The following SLC2A9 variants were observed in gnomAD, a reference collection of about 807,000 sequenced individuals.
The protein encoded by SLC2A9 is solute carrier family 2, facilitated glucose transporter member 9.
A neutral mutation model predicts 50.6 loss-of-function variants in SLC2A9; 39 were observed. That is an observed-to-expected ratio of 0.77 (90% CI 0.60 to 1.01). SLC2A9 has a LOEUF of 1.01. Ranked by LOEUF, SLC2A9 falls within the 50% of genes least tolerant of loss-of-function variation. The probability of loss-of-function intolerance (pLI) is 0.00; values close to 1 mark genes in which losing one functional copy is unlikely to be tolerated. For synonymous variants in SLC2A9, 324 were observed against 276.9 expected (o/e 1.17, Z -1.69); for missense variants, 686 against 677.6 (o/e 1.01, Z -0.14).
intron 10 of SLC2A9, among the ~76,000 whole-genome samples, chr4:9,876,399 G>C (rs1734325735): frequency 6.6e-6 from 1 of 152,064 alleles, no homozygotes; most frequent in Non-Finnish European, 1.5e-5. Flanking sequence ...TCCAGACCAG[G>C]TTGGGAAACA....
At chr4:10,030,799 CCTCTTATGT>C (rs1450705446) in intron 1 of SLC2A9, among the ~76,000 whole-genome samples, 1 of 152,112 alleles carries the variant, frequency 6.6e-6, no homozygotes, top group African/African-American at 2.4e-5. Flanking sequence ...TTATCGAGCC[CCTCTTATGT>C]AGTAGACCCC....
chr4:9,781,787 C>A, intron 3 of SLC2A9: 1 of 421,992 alleles, frequency 2.4e-6, no homozygotes. Context: ...GCACCAGCCG[C>A]TTCCTGTCCC....
At chr4:9,923,660 G>C (rs1276102326) in intron 6 of SLC2A9, 1 of 152,460 alleles carries the variant, frequency 6.6e-6, no homozygotes, top group Non-Finnish European at 1.5e-5. Context: ...GCTGAGCGTG[G>C]GAGCAGCTGG....
intron 5 of SLC2A9, among the ~76,000 whole-genome samples, chr4:9,959,895 G>A (rs1214270874): frequency 6.6e-6 from 1 of 152,166 alleles, no homozygotes. Context: ...GAGGGGCTGA[G>A]TCACATTCAG....
chr4:10,036,728 C>G (rs1321372155), intron 1 of SLC2A9, among the ~76,000 whole-genome samples: 1 of 152,236 alleles, frequency 6.6e-6, no homozygotes, highest in African/African-American at 2.4e-5. Context: ...AATCATTCCT[C>G]CATCATCCAG....
chr4:9,841,681 G>A (rs1728105256), intron 10 of SLC2A9, among the ~76,000 whole-genome samples: 2 of 152,108 alleles, frequency 1.3e-5, no homozygotes, highest in Non-Finnish European at 2.9e-5. Context: ...CCTTTATGGA[G>A]GATCTGGGTT....
At chr4:9,887,673 G>GAGGTGATGGTGTGACCGGAGGACC in intron 9 of SLC2A9, 31 bp from the exon 10 acceptor site, 1 of 1,465,260 alleles carries the variant, frequency 6.8e-7, no homozygotes, top group Non-Finnish European at 9.1e-7. Context: ...GTCAGGTGAG[G>GAGGTGATGGTGTGACCGGAGGACC]AGGTGATGGT....
intron 3 of SLC2A9, among the ~76,000 whole-genome samples, chr4:9,804,065 C>T (rs1272126822): frequency 6.6e-6 from 1 of 152,198 alleles, no homozygotes; most frequent in African/African-American, 2.4e-5. Context: ...TTTACCCATG[C>T]ATGTTCTTCT....
intron 8 of SLC2A9, among the ~76,000 whole-genome samples, chr4:9,893,064 C>A (rs1156880768): frequency 6.6e-6 from 1 of 152,190 alleles, no homozygotes; most frequent in African/African-American, 2.4e-5. Flanking sequence ...AGTGGCAAAG[C>A]TGGGATCACC....
intron 5 of SLC2A9, among the ~76,000 whole-genome samples, chr4:9,949,474 T>G (rs1303247311): frequency 6.6e-6 from 1 of 152,204 alleles, no homozygotes; most frequent in Non-Finnish European, 1.5e-5. Context: ...CCACAAAGTA[T>G]TATTATAATT....
In SLC2A9 at chr4:9,920,487, G is replaced by A. The variant is rs1743726655; in HGVS notation, c.900C>T (p.Arg300=). ...TCAGCAGCTCCAGCACGGACACCAG[G>A]CGGATGCTCCTCTGCACGCGGCTCT... ...LAESRVQRSI[R]LVSVLELLRA... Residue 300 remains arginine, a synonymous_variant, in exon 7 of 12, where the codon CGC becomes CGT. Coordinates refer to ENST00000264784, the MANE Select transcript of SLC2A9 (RefSeq NM_020041.3). 2 of 1,614,172 alleles carry A rather than the reference G, an allele frequency of 1.2e-6. No individual in the cohort carries two copies. Among genetic ancestry groups the A allele is most frequent in the Non-Finnish European group, 1.7e-6 (2 of 1,180,026 alleles).
At chr4:9,862,515 G>T (rs1482560839) in intron 10 of SLC2A9, among the ~76,000 whole-genome samples, 1 of 151,888 alleles carries the variant, frequency 6.6e-6, no homozygotes, top group Non-Finnish European at 1.5e-5. Flanking sequence ...TGTTACAGGG[G>T]TCTGTTTCAA....
chr4:10,011,919 C>T (rs1022318558), intron 2 of SLC2A9, among the ~76,000 whole-genome samples: 1 of 152,234 alleles, frequency 6.6e-6, no homozygotes, highest in Non-Finnish European at 1.5e-5. Flanking sequence ...AAGGAATCTA[C>T]AAGAGCCTCC....
At chr4:9,934,756 C>T (rs1208501141) in intron 6 of SLC2A9, among the ~76,000 whole-genome samples, 1 of 152,184 alleles carries the variant, frequency 6.6e-6, no homozygotes, top group Admixed American at 6.5e-5. Context: ...AACCTGTCGT[C>T]TAGGTTTTAA....
At chr4:9,878,901 G>T in intron 10 of SLC2A9, 1 of 323,244 alleles carries the variant, frequency 3.1e-6, no homozygotes, top group Non-Finnish European at 4.5e-6. Context: ...AATTGAAGAG[G>T]TGGTGTGGAA....
intron 5 of SLC2A9, among the ~76,000 whole-genome samples, chr4:9,974,160 C>G (rs1259451552): frequency 1.3e-5 from 2 of 152,156 alleles, no homozygotes. Flanking sequence ...CCAACTATGA[C>G]AAACCCACAG....
intron 1 of SLC2A9, chr4:10,035,724 A>T (rs1208043982): frequency 6.6e-6 from 1 of 152,182 alleles, no homozygotes; most frequent in Non-Finnish European, 1.5e-5. Context: ...CCATCCATTG[A>T]CTGGTGGTCT....
intron 2 of SLC2A9, among the ~76,000 whole-genome samples, chr4:10,012,449 G>C (rs1033352743): frequency 2.0e-5 from 3 of 152,192 alleles, no homozygotes; most frequent in African/African-American, 7.2e-5. Flanking sequence ...GTCAGACATT[G>C]TTCTAGGTGC....
chr4:9,816,908 A>T (rs959132735), intron 3 of SLC2A9, among the ~76,000 whole-genome samples: 1 of 152,216 alleles, frequency 6.6e-6, no homozygotes, highest in East Asian at 1.9e-4. Context: ...GGGATCAAAA[A>T]TCCTAAAATC....
Sources: allele counts gnomAD v4.1 joint callset (sites outside exome capture counted in the v4.1 genomes callset), GRCh38; gene constraint gnomAD v4.1.1; transcripts MANE v1.5; gene names NCBI Gene and HGNC (gene_info 2026-07-23, HGNC 2026-07-21).